ZNF26: variants seen among roughly 807,000 people sequenced by gnomAD.
ZNF26 encodes zinc finger protein 26.
Under a neutral mutation model 54.9 loss-of-function variants are expected in ZNF26, and 32 were observed. The ratio of observed to expected loss-of-function variants is 0.58; its 90% CI spans 0.44 to 0.78. The LOEUF (loss-of-function observed/expected upper bound fraction) is 0.78. Ranked by LOEUF, ZNF26 falls within the 30% of genes least tolerant of loss-of-function variation. The pLI is 0.00. For missense variants in ZNF26, 524 were observed against 634.0 expected, an observed-to-expected ratio of 0.83 and a Z score of 1.86; for synonymous variants, 221 against 209.2, an observed-to-expected ratio of 1.06 and a Z score of -0.49.
rs903171248 is a variant in ZNF26 at position 133,010,782 on chromosome 12, C to A, written c.903C>A (p.Phe301Leu). 26 of 1,613,786 alleles carry A rather than the reference C, an allele frequency of 1.6e-5. No homozygotes were observed. The highest frequency in any genetic ancestry group is 1.3e-4 in the East Asian group (6 of 44,878). Residue 301 changes from phenylalanine to leucine, a missense_variant, in exon 4 of 4, where the codon TTC (phenylalanine) becomes TTA (leucine). Physicochemically the swap from Phe to Leu is conservative, Grantham distance 22. Transcript: ENST00000328654. ...AAGCCTTTAGTTTGAAGTCTCCATT[C>A]GTTGTACACCAGAGAACTCATACAG... ...CGKAFSLKSP[F>L]VVHQRTHTGV... is the part of the protein sequence containing the mutation.
At chr12:132,987,294 T>C (rs1952843338) in intron 1 of ZNF26, among the ~76,000 whole-genome samples, 1 of 152,238 alleles carries the variant, frequency 6.6e-6, no homozygotes. Flanking sequence ...AATGCAGAGA[T>C]AAATTATGTA....
chr12:132,992,993 C>G (rs1952995984), intron 1 of ZNF26, among the ~76,000 whole-genome samples: 1 of 150,910 alleles, frequency 6.6e-6, no homozygotes, highest in African/African-American at 2.4e-5. Context: ...AGGCATTCTT[C>G]ACTTCTGTAC....
rs1952833761 is a variant in ZNF26 at position 132,986,867 on chromosome 12, G to C, written c.27G>C (p.Ser9=). 2 of 1,607,408 alleles carry C rather than the reference G, an allele frequency of 1.2e-6. No homozygotes were observed. Among genetic ancestry groups the C allele is most frequent in the Non-Finnish European group, 1.7e-6 (2 of 1,177,020 alleles). ...TGGCCACCAGTTTCCGGACAGCTTC[G>C]TGCTGGGTAAGTAGAGACTTTCCGT... MATSFRTA[S]CWGLLSFKDI... The change falls in exon 1 of 4, where the codon TCG becomes TCC. Residue 9 remains serine, a synonymous_variant. Coordinates refer to ENST00000328654, the MANE Select transcript of ZNF26 (RefSeq NM_019591.4).
chr12:133,005,290 CCT>C (rs1367374609), intron 1 of ZNF26: 18 of 152,266 alleles, frequency 1.2e-4, no homozygotes, highest in African/African-American at 4.3e-4. Flanking sequence ...GCAACTTCTG[CCT>C]CTCTGGTTCC....
chr12:133,021,793 T>C lies in ZNF26; in HGVS notation c.*10312T>C, dbSNP rs1278481708. The C allele has an allele frequency of 1.3e-5, 2 of 151,220 alleles. No individual in the cohort carries two copies. Among genetic ancestry groups the C allele is most frequent in the African/African-American group, 4.9e-5 (2 of 41,198 alleles). The allele number at this position is 151,220 out of a possible 1,614,324, so 9.4% of individuals were successfully genotyped here. On this transcript the variant is annotated 3_prime_UTR_variant, in exon 4 of 4. Transcript: ENST00000328654. ...AAAAAGAAAGAAAGAAAAACGTTTA[T>C]TTGTAGAGAAAGCTAACATGGTAAA...
Position 133,018,926 on chromosome 12 carries a change from T to G in ZNF26, c.*7445T>G, listed in dbSNP as rs2137278011. ...CATTAAATGTGAATAGATTAAACTA[T>G]CAAAAGACACAGATTGTCAAAGTGG... On this transcript the variant is annotated 3_prime_UTR_variant, in exon 4 of 4. Transcript: ENST00000328654. 6.6e-6 allele frequency: 1 copy of G among 151,822 alleles called. No homozygotes were observed. Among genetic ancestry groups the G allele is most frequent in the African/African-American group, 2.4e-5 (1 of 41,390 alleles). The allele number at this position is 151,822 out of a possible 1,614,324, so 9.4% of individuals were successfully genotyped here.
chr12:132,988,821 C>T (rs886112387), intron 1 of ZNF26, among the ~76,000 whole-genome samples: 4 of 152,146 alleles, frequency 2.6e-5, no homozygotes, highest in African/African-American at 9.6e-5. Flanking sequence ...TAGTTTTTCT[C>T]ATATAGATTT....
At position 133,011,248 on chromosome 12, in the gene ZNF26, A is replaced by G. The variant is rs1953466497; in HGVS notation, c.1369A>G (p.Asn457Asp). The G allele has an allele frequency of 6.2e-7, 1 of 1,614,118 alleles. No individual in the cohort carries two copies. The highest frequency in any genetic ancestry group is 8.5e-7 in the Non-Finnish European group (1 of 1,180,002). ...THSTEKPYEC[N>D]ECEKAYPRKA... ...TTCAACTGAGAAGCCCTATGAATGC[A>G]ATGAATGTGAAAAAGCCTACCCTAG... The change falls in exon 4 of 4, where the codon AAT becomes GAT. Residue 457 changes from asparagine (N) to aspartate (D), a missense_variant. Physicochemically the swap from Asn to Asp is conservative, Grantham distance 23. Transcript: ENST00000328654.
chr12:133,007,629 T>G lies in ZNF26; in HGVS notation c.256+97T>G, dbSNP rs1023880950. On this transcript the variant is annotated intron_variant, in intron 3 of 3. Coordinates refer to ENST00000328654, the MANE Select transcript of ZNF26 (RefSeq NM_019591.4). ...ACAGTGTTGTCTTCAGAAATGCTTC[T>G]GGAAGTCCTTGAGCTATTGGAGCTG... 3.6e-6 allele frequency: 3 copies of G among 838,688 alleles called. No individual in the cohort carries two copies. In the African/African-American group the frequency reaches 5.1e-5, roughly 14 times the overall value. The allele number at this position is 838,688 out of a possible 1,614,324, so 52.0% of individuals were successfully genotyped here. A position where few individuals can be genotyped will look rare whatever the true frequency, so the allele number is the denominator to read the frequency against.
chr12:133,003,238 G>A (rs1953255803), intron 1 of ZNF26, among the ~76,000 whole-genome samples: 1 of 149,386 alleles, frequency 6.7e-6, no homozygotes, highest in African/African-American at 2.5e-5. Context: ...ATTGGCTTCT[G>A]TTTATGTAGT....
rs983415039 is a variant in ZNF26, at chr12:133,012,807, G to A, written c.*1326G>A. On this transcript the variant is annotated 3_prime_UTR_variant, in exon 4 of 4. Coordinates refer to ENST00000328654, the MANE Select transcript of ZNF26 (RefSeq NM_019591.4). Reference sequence around the variant, plus strand: ...TTGGCCAGGCTGGTCTTGAACTCCTGACCTCAGGTGATCTGCCCACTTCAG... The same window carrying A: ...TTGGCCAGGCTGGTCTTGAACTCCTAACCTCAGGTGATCTGCCCACTTCAG... 6.6e-6 allele frequency: 1 copy of A among 151,892 alleles called. No homozygotes were observed. Among genetic ancestry groups the A allele is most frequent in the African/African-American group, 2.4e-5 (1 of 41,326 alleles). The allele number at this position is 151,892 out of a possible 1,614,324, so 9.4% of individuals were successfully genotyped here.
chr12:132,990,150 T>C (rs946895110), intron 1 of ZNF26, among the ~76,000 whole-genome samples: 1 of 152,062 alleles, frequency 6.6e-6, no homozygotes, highest in Non-Finnish European at 1.5e-5. Context: ...TAGCTGGGCG[T>C]GGTGACACAT....
chr12:132,999,143 GT>G (rs1160055163), intron 1 of ZNF26, among the ~76,000 whole-genome samples: 1 of 152,218 alleles, frequency 6.6e-6, no homozygotes, highest in African/African-American at 2.4e-5. Flanking sequence ...TGTTTACACA[GT>G]TCCAGAGTCA....
At position 133,007,115 on chromosome 12, in the gene ZNF26, A is replaced by T; in HGVS notation, c.107A>T (p.Lys36Met). 6.2e-7 allele frequency: 1 copy of T among 1,614,050 alleles called. No individual in the cohort carries two copies. Among genetic ancestry groups the T allele is most frequent in the Non-Finnish European group, 8.5e-7 (1 of 1,179,892 alleles). The change falls in exon 2 of 4, where the codon AAG (lysine) becomes ATG (methionine). Residue 36 changes from lysine (K) to methionine (M), a missense_variant. Coordinates refer to ENST00000328654, the MANE Select transcript of ZNF26 (RefSeq NM_019591.4). ...DEWQLLDSTQ[K>M]YLYRDVILEN... ...TGGCAGCTACTGGATTCTACACAGA[A>T]GTACCTGTACAGAGATGTGATATTG...
intron 1 of ZNF26, among the ~76,000 whole-genome samples, chr12:132,997,399 T>C (rs1378102694): frequency 2.0e-5 from 3 of 151,938 alleles, no homozygotes; most frequent in Admixed American, 2.0e-4. Flanking sequence ...GCTTCCAAGA[T>C]GGAGTCCAGA....
Position 133,001,646 on chromosome 12 carries a change from G to A in ZNF26, c.34-5396G>A, listed in dbSNP as rs1953221435. On this transcript the variant is annotated intron_variant, in intron 1 of 3. Transcript: ENST00000328654. The surrounding 1 kb of genome is among the most constrained non-coding windows in gnomAD (Gnocchi z 4.7). ...CCCTCCCTGCAGGTAGTGCTGCTGAGGAGGAGCCTGCTAATGAGCTCAAGT... is the reference window on the plus strand; with the variant it reads ...CCCTCCCTGCAGGTAGTGCTGCTGAAGAGGAGCCTGCTAATGAGCTCAAGT... The A allele has an allele frequency of 2.3e-6, 3 of 1,289,128 alleles. No individual in the cohort carries two copies. The African/African-American group carries it at 4.5e-5, about 20-fold the overall frequency. The allele number at this position is 1,289,128 out of a possible 1,614,324, so 79.9% of individuals were successfully genotyped here.
Position 133,024,623 on chromosome 12 carries a change from A to G in ZNF26, c.*13142A>G, listed in dbSNP as rs1953679069. 6.6e-6 allele frequency: 1 copy of G among 152,234 alleles called. No homozygotes were observed. The highest frequency in any genetic ancestry group is 2.4e-5 in the African/African-American group (1 of 41,466). 9.4% of individuals were successfully genotyped at this position (152,234 alleles called of 1,614,324 possible). ...GAAAAGATGTAATCCAAGGCTGGCT[A>G]TAATACCCTTATGTAAGATTCCAGA... On this transcript the variant is annotated 3_prime_UTR_variant, in exon 4 of 4. Transcript: ENST00000328654.
rs1408122772 is a variant in ZNF26, at chr12:133,010,404, G to A, written c.525G>A (p.Val175=). 1 of 1,614,106 alleles carries A rather than the reference G, an allele frequency of 6.2e-7. No individual in the cohort carries two copies. Among genetic ancestry groups the A allele is most frequent in the African/African-American group, 1.3e-5 (1 of 74,946 alleles). Residue 175 remains valine, a synonymous_variant, in exon 4 of 4, where the codon GTG becomes GTA. Transcript: ENST00000328654. Reference sequence around the variant, plus strand: ...CTCATAGCATAGAAAAAAACTGTGTGTGTAGTGAATGTGGGAAAGCTTTTC... The same window carrying A: ...CTCATAGCATAGAAAAAAACTGTGTATGTAGTGAATGTGGGAAAGCTTTTC... ...QRAHSIEKNC[V]CSECGKAFRC...
chr12:132,986,581 C>T lies in ZNF26; in HGVS notation c.-260C>T. ...GACGGGGCCAGATCAGCCTCCTGCT[C>T]TCCCGAGTCAGGGCCACGGAAAGGC... On this transcript the variant is annotated 5_prime_UTR_variant, in exon 1 of 4. Coordinates refer to ENST00000328654, the MANE Select transcript of ZNF26 (RefSeq NM_019591.4). The T allele has an allele frequency of 1.7e-6, 1 of 574,360 alleles. No homozygotes were observed. The highest frequency in any genetic ancestry group is 3.1e-6 in the Non-Finnish European group (1 of 320,638). 35.6% of individuals were successfully genotyped at this position (574,360 alleles called of 1,614,324 possible).
Sources: allele counts gnomAD v4.1 joint callset (sites outside exome capture counted in the v4.1 genomes callset), GRCh38; gene constraint gnomAD v4.1.1; non-coding constraint Gnocchi (gnomAD v3.1); transcripts MANE v1.5; gene names NCBI Gene and HGNC (gene_info 2026-07-23, HGNC 2026-07-21).